SCN11A: variants seen among roughly 807,000 people sequenced by gnomAD.
SCN11A encodes sodium voltage-gated channel alpha subunit 11.
SCN11A carries 122 observed loss-of-function variants against 162.2 expected under a neutral mutation model. The observed-to-expected ratio is 0.75, with a 90% confidence interval of 0.65 to 0.87. The LOEUF (loss-of-function observed/expected upper bound fraction) is 0.87, where lower values mean the gene tolerates loss of function less well. Among genes scored for constraint, SCN11A ranks in the 40% least tolerant of loss-of-function variants. The pLI is 0.00. For missense variants in SCN11A, 2,015 were observed against 2,181.6 expected (o/e 0.92, Z 1.52); for synonymous variants, 758 against 751.5 (o/e 1.01, Z -0.14).
chr3:38,915,063 G>T (rs537833460), intron 11 of SCN11A, among the ~76,000 whole-genome samples: 2 of 152,066 alleles, frequency 1.3e-5, no homozygotes, highest in South Asian at 4.2e-4. Flanking sequence ...CCTGCTCTTT[G>T]TACATCTAGT....
chr3:39,025,448 C>G (rs547314918), intron 2 of SCN11A, among the ~76,000 whole-genome samples: 2 of 152,180 alleles, frequency 1.3e-5, no homozygotes, highest in Non-Finnish European at 2.9e-5. Context: ...GTTATTGTTA[C>G]TTCTTGATTA....
chr3:39,011,820 C>T (rs7623850), intron 2 of SCN11A, among the ~76,000 whole-genome samples: 72,896 of 151,888 alleles, frequency 0.48, 21,363 homozygotes, highest in African/African-American at 0.84. Context: ...CTCAATTTCC[C>T]GTTAAATAAG....
intron 1 of SCN11A, among the ~76,000 whole-genome samples, chr3:39,047,032 ACCCCCACCCCCATCCCCCCACCCCCAC>A (rs2032199940): frequency 5.4e-5 from 2 of 36,808 alleles, no homozygotes; most frequent in African/African-American, 2.5e-4. Context: ...CCCACCCCCC[ACCCCCACCCCCATCCCCCCACCCCCAC>A]CCCCACCCCC....
At chr3:38,950,584 A>C in intron 4 of SCN11A, 1 of 547,834 alleles carries the variant, frequency 1.8e-6, no homozygotes, top group Non-Finnish European at 3.3e-6. Context: ...GACAAAACCA[A>C]AGCAGGGCAT....
chr3:38,943,241 A>G (rs1033949970), intron 7 of SCN11A, among the ~76,000 whole-genome samples: 1 of 152,240 alleles, frequency 6.6e-6, no homozygotes, highest in Non-Finnish European at 1.5e-5. Flanking sequence ...TAGCATATGA[A>G]ATGTATACGA....
intron 8 of SCN11A, 103 bp downstream of exon 8, chr3:38,926,700 G>T: frequency 8.5e-7 from 1 of 1,178,194 alleles, no homozygotes; most frequent in Non-Finnish European, 1.2e-6. Flanking sequence ...GCATTACTAG[G>T]CCATACTCAG....
intron 2 of SCN11A, among the ~76,000 whole-genome samples, chr3:38,999,613 C>T (rs1390564843): frequency 6.6e-6 from 1 of 152,162 alleles, no homozygotes; most frequent in Non-Finnish European, 1.5e-5. Flanking sequence ...CCATTGCTTT[C>T]ATTATCTTAG....
intron 7 of SCN11A, among the ~76,000 whole-genome samples, chr3:38,930,116 C>T (rs1424171037): frequency 6.6e-6 from 1 of 152,176 alleles, no homozygotes; most frequent in Non-Finnish European, 1.5e-5. Flanking sequence ...AACACATACA[C>T]ACGCTCACTT....
At chr3:38,914,197 G>C (rs2065926275) in intron 11 of SCN11A, among the ~76,000 whole-genome samples, 1 of 152,070 alleles carries the variant, frequency 6.6e-6, no homozygotes, top group African/African-American at 2.4e-5. Context: ...TCTCATTGTA[G>C]AGATCTTTCA....
rs73068567 is a variant in SCN11A, at chr3:38,927,262, T to C, written c.489-331A>G. On this transcript the variant is annotated intron_variant, in intron 7 of 29. Coordinates refer to ENST00000302328, the MANE Select transcript of SCN11A (RefSeq NM_001349253.2). ...CACCATTCTAGAGCTGTCACTCTGA[T>C]GTACAGAAGGAGACAATGGTGACAG... 6.9e-3 allele frequency among the ~76,000 whole-genome samples: 1,055 copies of C among 152,292 alleles called. 6 individuals carry two copies. Among genetic ancestry groups the C allele is most frequent in the Non-Finnish European group, 0.01 (710 of 68,028 alleles).
At chr3:38,896,813 T>TC in intron 18 of SCN11A, 32 bp downstream of exon 18, 2 of 1,456,764 alleles carry the variant, frequency 1.4e-6, no homozygotes. Flanking sequence ...AGGATCTTTT[T>TC]TTTTTTTTTG....
At chr3:38,851,011 T>A (rs1249059354) in intron 28 of SCN11A, among the ~76,000 whole-genome samples, 1 of 152,148 alleles carries the variant, frequency 6.6e-6, no homozygotes, top group Non-Finnish European at 1.5e-5. Context: ...CAAAAAATAT[T>A]AAAAAGTCTT....
At chr3:38,923,474 C>G (rs1159359982) in intron 9 of SCN11A, among the ~76,000 whole-genome samples, 1 of 152,196 alleles carries the variant, frequency 6.6e-6, no homozygotes, top group Non-Finnish European at 1.5e-5. Flanking sequence ...AGCTTGTAAT[C>G]TGACCCCAAG....
At chr3:39,047,537 C>T (rs749826283) in intron 1 of SCN11A, among the ~76,000 whole-genome samples, 2 of 151,986 alleles carry the variant, frequency 1.3e-5, no homozygotes, top group South Asian at 2.1e-4. Context: ...TGGATTACAT[C>T]AAACTAAAAA....
intron 2 of SCN11A, among the ~76,000 whole-genome samples, chr3:39,030,088 A>G (rs952712679): frequency 6.6e-6 from 1 of 152,176 alleles, no homozygotes; most frequent in Non-Finnish European, 1.5e-5. Context: ...AACTGCTTAA[A>G]GATCATCTCT....
At chr3:38,957,589 C>T (rs949481439) in intron 3 of SCN11A, among the ~76,000 whole-genome samples, 4 of 152,174 alleles carry the variant, frequency 2.6e-5, no homozygotes, top group Non-Finnish European at 4.4e-5. Context: ...CCCTGCAAGA[C>T]CTTCATGAGC....
intron 2 of SCN11A, among the ~76,000 whole-genome samples, chr3:39,003,995 G>C (rs533283847): frequency 8.1e-4 from 123 of 152,148 alleles, no homozygotes; most frequent in Non-Finnish European, 1.5e-3. Context: ...TTGATGGTTT[G>C]TCTTGCTGTG....
At position 38,908,047 on chromosome 3, in the gene SCN11A, T is replaced by C. The variant is rs1243573007; in HGVS notation, c.1375A>G (p.Lys459Glu). 1 of 1,613,594 alleles carries C rather than the reference T, an allele frequency of 6.2e-7. No homozygotes were observed. The highest frequency in any genetic ancestry group is 1.7e-5 in the Admixed American group (1 of 59,982). The change falls in exon 14 of 30, where the codon AAG (lysine) becomes GAG (glutamate). Residue 459 changes from lysine to glutamate, a missense_variant. Transcript: ENST00000302328. ...TTCCTTTTCTTATTACCAAAGAGCT[T>C]TCTCTTTTTTGGGGTAAAATATGAT... ...ETSYFTPKKR[K>E]LFGNKKRKSF...
chr3:38,983,798 G>T (rs1288222709), intron 2 of SCN11A, among the ~76,000 whole-genome samples: 3 of 152,160 alleles, frequency 2.0e-5, no homozygotes, highest in African/African-American at 7.2e-5. Context: ...AAAACACAAA[G>T]ACCTTTTTTG....
Sources: gnomAD v4.1 joint callset for allele counts (sites outside exome capture counted in the v4.1 genomes callset) on GRCh38, gnomAD v4.1.1 for gene constraint, MANE v1.5 for transcripts, NCBI Gene and HGNC (gene_info 2026-07-23, HGNC 2026-07-21) for gene names.